The following RAB38 variants were observed in gnomAD, a reference collection of about 807,000 sequenced individuals.
The protein encoded by RAB38 is RAB38, member RAS oncogene family, also known as ras-related protein Rab-38.
In RAB38, 15 loss-of-function variants were observed where a neutral mutation model predicts 18.4. That is an observed-to-expected ratio of 0.82 (90% CI 0.55 to 1.26). The LOEUF (loss-of-function observed/expected upper bound fraction) is 1.26. Ranked by LOEUF, RAB38 falls within the 50% of genes most tolerant of loss-of-function variation. RAB38 has a pLI of 0.00. For synonymous variants in RAB38, 101 were observed against 104.4 expected (o/e 0.97, Z 0.20); for missense variants, 294 against 267.4 (o/e 1.10, Z -0.69).
the RAB38 span, among the ~76,000 whole-genome samples, chr11:87,878,136 A>G: frequency 6.8e-6 from 1 of 148,148 alleles, no homozygotes; most frequent in Non-Finnish European, 1.5e-5. Flanking sequence ...TGTAAAATCT[A>G]TGCTTTGACC....
chr11:88,088,224 A>C, the RAB38 span, among the ~76,000 whole-genome samples: 1 of 152,002 alleles, frequency 6.6e-6, no homozygotes, highest in Non-Finnish European at 1.5e-5. Context: ...AGAAGAGAAG[A>C]ATTGATGCTA....
chr11:87,875,524 G>T, the RAB38 span, among the ~76,000 whole-genome samples: 1 of 151,434 alleles, frequency 6.6e-6, no homozygotes, highest in East Asian at 2.0e-4. Context: ...TGCTACTGGA[G>T]TTTTGATTCA....
At chr11:87,879,886 T>C in the RAB38 span, 1 of 151,734 alleles carries the variant, frequency 6.6e-6, no homozygotes, top group African/African-American at 2.4e-5. Context: ...CTCAAAATAT[T>C]AGTAATTATA....
the RAB38 span, among the ~76,000 whole-genome samples, chr11:87,850,714 C>CCACA: frequency 0.039 from 5,724 of 146,444 alleles, 138 homozygotes; most frequent in Middle Eastern, 0.052. Context: ...CACAACACTG[C>CCACA]CACACACACA....
chr11:87,864,697 T>C, the RAB38 span, among the ~76,000 whole-genome samples: 1 of 151,814 alleles, frequency 6.6e-6, no homozygotes. Flanking sequence ...ATACCAGTTA[T>C]TTGGAATTCT....
intron 2 of RAB38, among the ~76,000 whole-genome samples, chr11:88,136,752 G>A (rs1942840906): frequency 6.6e-6 from 1 of 152,152 alleles, no homozygotes; most frequent in African/African-American, 2.4e-5. Flanking sequence ...AAATAGTAGG[G>A]CTAATTAATT....
the RAB38 span, among the ~76,000 whole-genome samples, chr11:88,030,328 C>G: frequency 6.6e-6 from 1 of 152,030 alleles, no homozygotes; most frequent in Non-Finnish European, 1.5e-5. Flanking sequence ...ACTAGAAAAG[C>G]AAGAGCAAAC....
intron 2 of RAB38, among the ~76,000 whole-genome samples, chr11:88,142,706 G>A (rs1942931193): frequency 6.6e-6 from 1 of 152,106 alleles, no homozygotes; most frequent in Admixed American, 6.5e-5. Flanking sequence ...ACTTTGTTGG[G>A]CAAAATGAAA....
chr11:88,042,643 A>G, the RAB38 span, among the ~76,000 whole-genome samples: 1 of 152,198 alleles, frequency 6.6e-6, no homozygotes, highest in South Asian at 2.1e-4. Context: ...CTGAAAGCAG[A>G]CAGAAGCCCT....
chr11:88,027,592 T>C, the RAB38 span, among the ~76,000 whole-genome samples: 1 of 152,052 alleles, frequency 6.6e-6, no homozygotes, highest in Non-Finnish European at 1.5e-5. Context: ...GCTGGGAGGG[T>C]CCTACGCCCA....
intron 1 of RAB38, among the ~76,000 whole-genome samples, chr11:88,152,686 G>T (rs1943078142): frequency 8.5e-5 from 13 of 152,188 alleles, no homozygotes; most frequent in Admixed American, 3.3e-4. Context: ...TGAGAACCAT[G>T]TGACTCAGAG....
the RAB38 span, among the ~76,000 whole-genome samples, chr11:88,050,355 A>G: frequency 2.6e-5 from 4 of 152,152 alleles, no homozygotes; most frequent in Non-Finnish European, 5.9e-5. Context: ...TCTTTCCCTA[A>G]TGGTAAAAGG....
the RAB38 span, among the ~76,000 whole-genome samples, chr11:88,071,250 A>T: frequency 6.6e-6 from 1 of 151,422 alleles, no homozygotes; most frequent in South Asian, 2.1e-4. Flanking sequence ...GAGGACACAC[A>T]CACACACACA....
chr11:88,163,786 G>C (rs1413758352), intron 1 of RAB38, among the ~76,000 whole-genome samples: 2 of 152,090 alleles, frequency 1.3e-5, no homozygotes, highest in African/African-American at 4.8e-5. Flanking sequence ...CAGTGCATGT[G>C]ATATATATGT....
the RAB38 span, among the ~76,000 whole-genome samples, chr11:88,092,376 GAGAGAGAGAGAGAGAGAGAGA>G: frequency 4.0e-5 from 1 of 24,936 alleles, no homozygotes; most frequent in African/African-American, 1.3e-4. Flanking sequence ...GAGAGAGAGA[GAGAGAGAGAGAGAGAGAGAGA>G]GAGAGAGAGA....
At chr11:87,915,327 T>A in the RAB38 span, among the ~76,000 whole-genome samples, 11 of 152,104 alleles carry the variant, frequency 7.2e-5, no homozygotes, top group African/African-American at 2.7e-4. Context: ...GAGGATGGCA[T>A]GAGATACAGA....
At chr11:88,068,089 C>T in the RAB38 span, among the ~76,000 whole-genome samples, 127 of 151,410 alleles carry the variant, frequency 8.4e-4, no homozygotes, top group Middle Eastern at 0.01. Flanking sequence ...CTACAAAACA[C>T]TCCTCGAAAA....
chr11:87,954,099 C>G, the RAB38 span, among the ~76,000 whole-genome samples: 8 of 151,896 alleles, frequency 5.3e-5, no homozygotes, highest in African/African-American at 4.8e-5. Flanking sequence ...AATGTGCACA[C>G]AAGCTGAGAT....
At chr11:87,912,834 A>G in the RAB38 span, among the ~76,000 whole-genome samples, 1 of 130,928 alleles carries the variant, frequency 7.6e-6, no homozygotes, top group African/African-American at 2.8e-5. Flanking sequence ...TCAGCACTAT[A>G]GTATTTTTCT....
Sources: gnomAD v4.1 joint callset for allele counts (sites outside exome capture counted in the v4.1 genomes callset) on GRCh38, gnomAD v4.1.1 for gene constraint, MANE v1.5 for transcripts, NCBI Gene and HGNC (gene_info 2026-07-23, HGNC 2026-07-21) for gene names.